POU6F2: variants seen among roughly 807,000 people sequenced by gnomAD.
POU6F2 encodes POU domain, class 6, transcription factor 2.
A neutral mutation model predicts 71.3 loss-of-function variants in POU6F2; 31 were observed. That is an observed-to-expected ratio of 0.43 (90% confidence interval 0.33 to 0.59). The LOEUF is 0.59. Ranked by LOEUF, POU6F2 falls within the 20% of genes least tolerant of loss-of-function variation. The pLI, the probability that POU6F2 is intolerant of heterozygous loss-of-function variation, is 0.04. For missense variants in POU6F2, 783 were observed against 856.8 expected (o/e 0.91, Z 1.07); for synonymous variants, 347 against 355.7 (o/e 0.98, Z 0.27).
At chr7:39,368,967 G>C (rs544278186) in intron 5 of POU6F2, among the ~76,000 whole-genome samples, 1 of 152,308 alleles carries the variant, frequency 6.6e-6, no homozygotes, top group East Asian at 1.9e-4. Flanking sequence ...ATAATAGCAA[G>C]AGAACTAGAA....
intron 6 of POU6F2, among the ~76,000 whole-genome samples, chr7:39,414,737 A>C (rs1233582881): frequency 7.4e-6 from 1 of 134,526 alleles, no homozygotes; most frequent in South Asian, 2.6e-4. Flanking sequence ...TTCTGAAATG[A>C]AAGAGTTATC....
intron 2 of POU6F2, among the ~76,000 whole-genome samples, chr7:39,144,103 T>G (rs773998637): frequency 7.2e-5 from 11 of 152,190 alleles, no homozygotes; most frequent in Non-Finnish European, 1.5e-4. Flanking sequence ...CTTTGAGGTG[T>G]CAGGCACTGA....
At chr7:39,367,171 T>C (rs976813199) in intron 5 of POU6F2, among the ~76,000 whole-genome samples, 1 of 152,152 alleles carries the variant, frequency 6.6e-6, no homozygotes, top group Admixed American at 6.5e-5. Context: ...ATTTAACCAT[T>C]ACCAGTAACA....
intron 4 of POU6F2, among the ~76,000 whole-genome samples, chr7:39,336,386 A>G (rs1785778660): frequency 6.6e-6 from 1 of 152,050 alleles, no homozygotes. Context: ...GACATTTCAT[A>G]TGAATGAAAT....
intron 2 of POU6F2, among the ~76,000 whole-genome samples, chr7:39,086,534 A>G (rs564071238): frequency 2.0e-5 from 3 of 152,186 alleles, no homozygotes; most frequent in Non-Finnish European, 2.9e-5. Flanking sequence ...CTGAGAAATA[A>G]CATTGTGTCA....
At chr7:39,394,409 T>C (rs910865794) in intron 5 of POU6F2, among the ~76,000 whole-genome samples, 2 of 152,220 alleles carry the variant, frequency 1.3e-5, no homozygotes, top group Non-Finnish European at 2.9e-5. Context: ...CTGTTAAAGC[T>C]AGCTCTTTAA....
At chr7:39,308,411 G>A (rs1314939787) in intron 4 of POU6F2, among the ~76,000 whole-genome samples, 1 of 152,158 alleles carries the variant, frequency 6.6e-6, no homozygotes, top group Non-Finnish European at 1.5e-5. Flanking sequence ...AGGTGCGTAA[G>A]CTTCCCATGA....
intron 4 of POU6F2, among the ~76,000 whole-genome samples, chr7:39,227,947 C>T (rs1238864812): frequency 6.6e-6 from 1 of 152,042 alleles, no homozygotes; most frequent in African/African-American, 2.4e-5. Flanking sequence ...GTAGGGAAAC[C>T]CTTTGTGAAG....
At chr7:39,177,981 C>T (rs537555858) in intron 2 of POU6F2, among the ~76,000 whole-genome samples, 2 of 152,242 alleles carry the variant, frequency 1.3e-5, no homozygotes, top group South Asian at 4.1e-4. Flanking sequence ...TTCAGCCAGG[C>T]GTGGTGGATC....
At chr7:39,224,854 G>A (rs144904466) in intron 4 of POU6F2, among the ~76,000 whole-genome samples, 134 of 152,306 alleles carry the variant, frequency 8.8e-4, no homozygotes, top group African/African-American at 3.2e-3. Context: ...CTCAGCAGAT[G>A]TGACTGAGTC....
chr7:38,987,218 C>T (rs1051670703), intron 1 of POU6F2, among the ~76,000 whole-genome samples: 3 of 152,090 alleles, frequency 2.0e-5, no homozygotes, highest in African/African-American at 7.2e-5. Context: ...ATATTGAATA[C>T]TCAAACCAAT....
At chr7:39,255,426 G>A (rs566259021) in intron 4 of POU6F2, among the ~76,000 whole-genome samples, 21 of 152,090 alleles carry the variant, frequency 1.4e-4, no homozygotes, top group Non-Finnish European at 2.4e-4. Flanking sequence ...TTTATTCTTC[G>A]TGTTACGACT....
In POU6F2 at chr7:39,251,827, G is replaced by A. The variant is rs373233300; in HGVS notation, c.598+44207G>A. Among the ~76,000 whole-genome samples, 74 of 152,272 alleles carry A rather than the reference G, an allele frequency of 4.9e-4. 1 individual carries two copies. The South Asian group carries it at 0.015, about 31-fold the overall frequency. ...AGACCCCCAGCATGGGCACAGACGTGTTGCAGGGAGAGTTCCTCCTTTTTC... is the reference window on the plus strand; with the variant it reads ...AGACCCCCAGCATGGGCACAGACGTATTGCAGGGAGAGTTCCTCCTTTTTC... On this transcript the variant is annotated intron_variant, in intron 4 of 9. Coordinates refer to ENST00000518318, the MANE Select transcript of POU6F2 (RefSeq NM_001370959.1).
At chr7:39,420,728 C>T (rs1439583345) in intron 6 of POU6F2, among the ~76,000 whole-genome samples, 1 of 152,086 alleles carries the variant, frequency 6.6e-6, no homozygotes, top group Non-Finnish European at 1.5e-5. Context: ...ATTATTCCAC[C>T]TTTTCCATTA....
At chr7:39,216,929 C>T (rs1794254748) in intron 4 of POU6F2, among the ~76,000 whole-genome samples, 1 of 151,610 alleles carries the variant, frequency 6.6e-6, no homozygotes, top group African/African-American at 2.4e-5. Context: ...AAGCCCCCTC[C>T]CCACCCACAC....
intron 2 of POU6F2, among the ~76,000 whole-genome samples, chr7:39,147,006 T>C (rs1009009313): frequency 6.6e-6 from 1 of 152,184 alleles, no homozygotes; most frequent in Non-Finnish European, 1.5e-5. Context: ...CTTAACTGCA[T>C]AAATACATTT....
intron 1 of POU6F2, among the ~76,000 whole-genome samples, chr7:39,084,731 A>C (rs1469449897): frequency 1.3e-5 from 2 of 152,170 alleles, no homozygotes; most frequent in Non-Finnish European, 2.9e-5. Context: ...AATAAAACAC[A>C]GGCATACCGC....
At chr7:39,425,524 T>C (rs561603169) in intron 6 of POU6F2, among the ~76,000 whole-genome samples, 1 of 152,302 alleles carries the variant, frequency 6.6e-6, no homozygotes, top group Admixed American at 6.5e-5. Context: ...TTTCAAAATC[T>C]TCAGAGGAAC....
intron 2 of POU6F2, among the ~76,000 whole-genome samples, chr7:39,152,366 C>T (rs1792778295): frequency 6.6e-6 from 1 of 152,040 alleles, no homozygotes; most frequent in South Asian, 2.1e-4. Context: ...TTTCTGTCCC[C>T]AAAGGTTCCT....
Sources: allele counts gnomAD v4.1 joint callset (sites outside exome capture counted in the v4.1 genomes callset), GRCh38; gene constraint gnomAD v4.1.1; transcripts MANE v1.5; gene names NCBI Gene and HGNC (gene_info 2026-07-23, HGNC 2026-07-21).